The following SYTL3 variants were observed in gnomAD, a reference collection of about 807,000 sequenced individuals.
The protein encoded by SYTL3 is synaptotagmin-like protein 3.
Under a neutral mutation model 82.1 loss-of-function variants are expected in SYTL3, and 88 were observed. That is an observed-to-expected ratio of 1.07 (90% CI 0.90 to 1.28). SYTL3 has a LOEUF of 1.28. Ranked by LOEUF, SYTL3 falls within the 50% of genes most tolerant of loss-of-function variation. The pLI, the probability that SYTL3 is intolerant of heterozygous loss-of-function variation, is 0.00. For synonymous variants in SYTL3, 311 were observed against 289.4 expected (o/e 1.07, Z -0.76); for missense variants, 831 against 757.6 (o/e 1.10, Z -1.14).
At chr6:158,712,006 C>A (rs962881783) in intron 8 of SYTL3, among the ~76,000 whole-genome samples, 1 of 152,130 alleles carries the variant, frequency 6.6e-6, no homozygotes, top group Non-Finnish European at 1.5e-5. Context: ...GGAATGCAGC[C>A]CAGTAGGTCT....
At chr6:158,726,333 A>T (rs934383831) in intron 11 of SYTL3, 13 of 377,748 alleles carry the variant, frequency 3.4e-5, no homozygotes, top group Non-Finnish European at 6.6e-5. Flanking sequence ...TAAGAACTTC[A>T]AGATGTCCCC....
chr6:158,677,108 T>C (rs912522538), intron 5 of SYTL3, among the ~76,000 whole-genome samples: 4 of 152,204 alleles, frequency 2.6e-5, no homozygotes, highest in Non-Finnish European at 5.9e-5. Flanking sequence ...CATGCACACA[T>C]ATGTTTATCA....
intron 2 of SYTL3, among the ~76,000 whole-genome samples, chr6:158,656,018 A>G (rs1788631481): frequency 6.6e-6 from 1 of 152,166 alleles, no homozygotes; most frequent in African/African-American, 2.4e-5. Context: ...GTGGGAACTG[A>G]GGATGGAGGA....
chr6:158,702,693 C>T (rs894107021), intron 6 of SYTL3, among the ~76,000 whole-genome samples: 3 of 152,042 alleles, frequency 2.0e-5, no homozygotes, highest in South Asian at 4.2e-4. Flanking sequence ...CGACTATCCC[C>T]GTTTTGGTCT....
rs774101190 is a variant in SYTL3, at chr6:158,663,220, T to G, written c.-49T>G. On this transcript the variant is annotated 5_prime_UTR_variant, in exon 4 of 18. Transcript: ENST00000611299. ...TCATCTGCAGGGCGTGAGCGCTTGGTCCATGCAGTGAAGCTCTTCCAACCT... is the reference window on the plus strand; with the variant it reads ...TCATCTGCAGGGCGTGAGCGCTTGGGCCATGCAGTGAAGCTCTTCCAACCT... The G allele has an allele frequency of 5.7e-6, 9 of 1,569,668 alleles. No individual in the cohort carries two copies. The highest frequency in any genetic ancestry group is 7.9e-6 in the Non-Finnish European group (9 of 1,140,198).
At position 158,707,120 on chromosome 6, in the gene SYTL3, A is replaced by G; in HGVS notation, c.395-110A>G. The G allele has an allele frequency of 4.4e-6, 5 of 1,129,824 alleles. No individual in the cohort carries two copies. The South Asian group carries it at 5.3e-5, about 12-fold the overall frequency. The allele number at this position is 1,129,824 out of a possible 1,614,324, so 70.0% of individuals were successfully genotyped here. A position where few individuals can be genotyped will look rare whatever the true frequency, so the allele number is the denominator to read the frequency against. ...CCTCAAAATGATCTCTTACTTTTTA[A>G]TCACAAGAAATGATACTAGAGAAAA... On this transcript the variant is annotated intron_variant, in intron 6 of 17. Coordinates refer to ENST00000611299, the MANE Select transcript of SYTL3 (RefSeq NM_001242394.2).
chr6:158,735,278 C>T (rs766187215), intron 11 of SYTL3, among the ~76,000 whole-genome samples: 1 of 152,090 alleles, frequency 6.6e-6, no homozygotes, highest in South Asian at 2.1e-4. Flanking sequence ...TGAGATTATG[C>T]AATTCCCCAT....
chr6:158,729,339 A>C (rs1020559397), intron 11 of SYTL3, among the ~76,000 whole-genome samples: 2 of 152,096 alleles, frequency 1.3e-5, no homozygotes, highest in African/African-American at 4.8e-5. Context: ...TCTTCCTCAC[A>C]TGGTGAAAAG....
intron 5 of SYTL3, among the ~76,000 whole-genome samples, chr6:158,678,823 T>C (rs1055646797): frequency 1.3e-5 from 2 of 152,154 alleles, no homozygotes; most frequent in Non-Finnish European, 1.5e-5. Flanking sequence ...TATGGGCTAA[T>C]TGAAAAAATT....
chr6:158,713,473 A>G (rs1782994424), intron 8 of SYTL3, among the ~76,000 whole-genome samples: 1 of 152,152 alleles, frequency 6.6e-6, no homozygotes. Context: ...ACTTGAGTAC[A>G]GTCTTTGAGC....
intron 2 of SYTL3, among the ~76,000 whole-genome samples, chr6:158,654,691 C>T (rs750270164): frequency 3.9e-5 from 6 of 152,238 alleles, no homozygotes; most frequent in Non-Finnish European, 5.9e-5. Flanking sequence ...CTCCATGTCA[C>T]GGAGGAGGAA....
At chr6:158,645,093 T>C (rs963542923), upstream of SYTL3, among the ~76,000 whole-genome samples, 6 of 152,140 alleles carry the variant, frequency 3.9e-5, no homozygotes, top group Non-Finnish European at 5.9e-5. Context: ...TCAAACCCGC[T>C]CGGACACCTG....
intron 13 of SYTL3, among the ~76,000 whole-genome samples, chr6:158,752,599 G>A (rs1411529795): frequency 1.3e-5 from 2 of 152,188 alleles, no homozygotes; most frequent in African/African-American, 4.8e-5. Context: ...GGGGCCATGC[G>A]CTCTGATGTC....
chr6:158,715,525 G>T (rs1056777208), intron 9 of SYTL3, among the ~76,000 whole-genome samples: 1 of 151,204 alleles, frequency 6.6e-6, no homozygotes, highest in Admixed American at 6.6e-5. Flanking sequence ...GTCCCTGGGC[G>T]AGGTGTGGGG....
upstream of SYTL3, among the ~76,000 whole-genome samples, chr6:158,649,337 T>G (rs1787733646): frequency 6.6e-6 from 1 of 152,188 alleles, no homozygotes; most frequent in Non-Finnish European, 1.5e-5. Flanking sequence ...CTTCATGTCT[T>G]CTCCATGCTG....
At chr6:158,693,855 C>CTTTTCTTTTCTTTTCTTTT (rs71030191) in intron 6 of SYTL3, among the ~76,000 whole-genome samples, 1,133 of 96,848 alleles carry the variant, frequency 0.012, 104 homozygotes, top group African/African-American at 0.057. Flanking sequence ...TTTTTCTTTT[C>CTTTTCTTTTCTTTTCTTTT]TTTTTTTTTT....
rs1023630942 is a variant in SYTL3, at chr6:158,752,121, C to T, written c.1137+91C>T. 1.3e-5 allele frequency: 10 copies of T among 771,916 alleles called. No individual in the cohort carries two copies. In the African/African-American group the frequency reaches 1.5e-4, roughly 11 times the overall value. The allele number at this position is 771,916 out of a possible 1,614,324, so 47.8% of individuals were successfully genotyped here. On this transcript the variant is annotated intron_variant, in intron 13 of 17. Transcript: ENST00000611299. ...GTCCAGTGGATGGTGCTTTCAAACTCTTGACTCAGTTAGATATAATACAGA... is the reference window on the plus strand; with the variant it reads ...GTCCAGTGGATGGTGCTTTCAAACTTTTGACTCAGTTAGATATAATACAGA...
intron 2 of SYTL3, among the ~76,000 whole-genome samples, chr6:158,656,783 G>C (rs1788732703): frequency 6.6e-6 from 1 of 152,092 alleles, no homozygotes; most frequent in South Asian, 2.1e-4. Flanking sequence ...AGGGCCTGAA[G>C]CACAAACCTG....
intron 6 of SYTL3, among the ~76,000 whole-genome samples, chr6:158,696,248 G>A (rs1780542930): frequency 6.6e-6 from 1 of 151,972 alleles, no homozygotes; most frequent in Admixed American, 6.6e-5. Context: ...TTGCCAGGCT[G>A]GAGTACAGTG....
Sources: allele counts gnomAD v4.1 joint callset (sites outside exome capture counted in the v4.1 genomes callset), GRCh38; gene constraint gnomAD v4.1.1; transcripts MANE v1.5; gene names NCBI Gene and HGNC (gene_info 2026-07-23, HGNC 2026-07-21).